IL5RA: variants seen among roughly 807,000 people sequenced by gnomAD.
IL5RA encodes interleukin-5 receptor subunit alpha.
Under a neutral mutation model 50.0 loss-of-function variants are expected in IL5RA, and 49 were observed. The ratio of observed to expected loss-of-function variants is 0.98; its 90% CI spans 0.78 to 1.24. The LOEUF is 1.24. IL5RA is among the 50% of genes most tolerant of loss of function. The pLI is 0.00. For synonymous variants in IL5RA, 202 were observed against 174.0 expected (o/e 1.16, Z -1.26); for missense variants, 600 against 500.4 (o/e 1.20, Z -1.90).
At position 3,094,374 on chromosome 3, in the gene IL5RA, G is replaced by A. The variant is rs191237515; in HGVS notation, c.855+925C>T. 9.8e-4 allele frequency among the ~76,000 whole-genome samples: 149 copies of A among 152,154 alleles called. 3 individuals carry two copies. The highest frequency in any genetic ancestry group is 4.6e-4 in the Admixed American group (7 of 15,278). On this transcript the variant is annotated intron_variant, in intron 8 of 11. Coordinates refer to ENST00000446632, the MANE Select transcript of IL5RA (RefSeq NM_175726.4). ...AGAATCAGACAGTATTTGTCCTTTC[G>A]TGACTGACTTATTTTGCTTAGCATA... is the stretch of plus-strand genomic sequence containing the variant.
Position 3,067,614 on chromosome 3 carries a change from G to A in IL5RA, c.*2611C>T, listed in dbSNP as rs911292128. On this transcript the variant is annotated 3_prime_UTR_variant, in exon 12 of 12. Coordinates refer to ENST00000446632, the MANE Select transcript of IL5RA (RefSeq NM_175726.4). ...CCAACTCTGCTTTTGAAGGCTTCAT[G>A]GAGGAAGTGATGATGGTTACGGGTT... 4.6e-5 allele frequency: 7 copies of A among 152,336 alleles called. No individual in the cohort carries two copies. Among genetic ancestry groups the A allele is most frequent in the African/African-American group, 1.7e-4 (7 of 41,442 alleles). The allele number at this position is 152,336 out of a possible 1,614,324, so 9.4% of individuals were successfully genotyped here.
chr3:3,089,757 G>A (rs1014254707), intron 9 of IL5RA, among the ~76,000 whole-genome samples: 8 of 151,918 alleles, frequency 5.3e-5, no homozygotes, highest in African/African-American at 1.9e-4. Flanking sequence ...CGAGTAGCTG[G>A]GACTACAGGC....
At chr3:3,082,203 C>T (rs916951311) in intron 9 of IL5RA, among the ~76,000 whole-genome samples, 2 of 152,066 alleles carry the variant, frequency 1.3e-5, no homozygotes, top group African/African-American at 2.4e-5. Context: ...AATTTCAATA[C>T]TATAAAATTT....
At chr3:3,106,583 A>G (rs775377293) in intron 2 of IL5RA, among the ~76,000 whole-genome samples, 2 of 152,188 alleles carry the variant, frequency 1.3e-5, no homozygotes, top group South Asian at 2.1e-4. Context: ...GATGACGATG[A>G]CAACAAAAGC....
Position 3,069,662 on chromosome 3 carries a change from TACAC to T in IL5RA, c.*559_*562del, listed in dbSNP as rs1339232870. ...TCTCTCTCTCTCTCTCTCTCTCTCA[TACAC>T]ACACATACACAATCTACCTAGAAAA... On this transcript the variant is annotated 3_prime_UTR_variant, in exon 12 of 12. Coordinates refer to ENST00000446632, the MANE Select transcript of IL5RA (RefSeq NM_175726.4). The T allele has an allele frequency of 8.7e-6, 1 of 114,626 alleles. No individual in the cohort carries two copies. Among genetic ancestry groups the T allele is most frequent in the South Asian group, 2.8e-4 (1 of 3,542 alleles). The allele number at this position is 114,626 out of a possible 1,614,324, so 7.1% of individuals were successfully genotyped here.
chr3:3,093,902 C>G (rs1703243536), intron 8 of IL5RA, among the ~76,000 whole-genome samples: 1 of 151,956 alleles, frequency 6.6e-6, no homozygotes, highest in Admixed American at 6.5e-5. Flanking sequence ...ATTTTTTTTC[C>G]TAGCTTTGTG....
chr3:3,099,754 C>T (rs1396740594), intron 5 of IL5RA, among the ~76,000 whole-genome samples: 1 of 151,856 alleles, frequency 6.6e-6, no homozygotes, highest in African/African-American at 2.4e-5. Context: ...ACTGCAACCT[C>T]ACCCTCCCGG....
chr3:3,109,112 T>C (rs1704065310), intron 1 of IL5RA, among the ~76,000 whole-genome samples: 1 of 152,172 alleles, frequency 6.6e-6, no homozygotes, highest in Non-Finnish European at 1.5e-5. Flanking sequence ...TCAAGGGTAT[T>C]AAAATATTCT....
intron 9 of IL5RA, among the ~76,000 whole-genome samples, chr3:3,084,151 A>G (rs1702768570): frequency 6.6e-6 from 1 of 152,080 alleles, no homozygotes; most frequent in Admixed American, 6.5e-5. Context: ...GTCCTGCATT[A>G]TAAAACAGGG....
chr3:3,089,342 G>A (rs1306347611), intron 9 of IL5RA, among the ~76,000 whole-genome samples: 1 of 152,194 alleles, frequency 6.6e-6, no homozygotes, highest in African/African-American at 2.4e-5. Context: ...GGCAGATTCA[G>A]AACAGTTCTC....
chr3:3,107,770 C>A (rs1234280363), intron 2 of IL5RA, among the ~76,000 whole-genome samples: 1 of 152,174 alleles, frequency 6.6e-6, no homozygotes, highest in Non-Finnish European at 1.5e-5. Flanking sequence ...ATAGGTGTTA[C>A]ATTTTTTGAA....
At chr3:3,088,176 A>G (rs1330988484) in intron 9 of IL5RA, among the ~76,000 whole-genome samples, 1 of 152,234 alleles carries the variant, frequency 6.6e-6, no homozygotes, top group African/African-American at 2.4e-5. Flanking sequence ...TGAATAATAA[A>G]TTAAAAACAA....
At chr3:3,086,840 A>G (rs1355651981) in intron 9 of IL5RA, among the ~76,000 whole-genome samples, 3 of 152,242 alleles carry the variant, frequency 2.0e-5, no homozygotes, top group Non-Finnish European at 4.4e-5. Context: ...ATGAGTGGAT[A>G]AAGAAAATGT....
Position 3,098,290 on chromosome 3 carries a change from C to G in IL5RA, c.368G>C (p.Gly123Ala), listed in dbSNP as rs750767577. 1.3e-5 allele frequency: 21 copies of G among 1,612,782 alleles called. No homozygotes were observed. In the African/African-American group the frequency reaches 2.7e-4, roughly 21 times the overall value. ...ATTCACAATTGAGGTTCCAGGAGAC[C>G]CTAGGTAGTCAAAAGTAAAAAGGAC... ...WASAELHAPP[G>A]SPGTSIVNLT... The change falls in exon 6 of 12, where the codon GGG (glycine) becomes GCG (alanine). Residue 123 changes from glycine (G) to alanine (A), a missense_variant and splice_region_variant. Coordinates refer to ENST00000446632, the MANE Select transcript of IL5RA (RefSeq NM_175726.4).
intron 5 of IL5RA, among the ~76,000 whole-genome samples, chr3:3,098,887 AT>A (rs1418187780): frequency 6.6e-6 from 1 of 152,180 alleles, no homozygotes; most frequent in African/African-American, 2.4e-5. Flanking sequence ...ATATATTGTC[AT>A]TTTGAGGTTG....
intron 3 of IL5RA, among the ~76,000 whole-genome samples, chr3:3,104,291 G>A (rs899752688): frequency 2.6e-5 from 4 of 152,118 alleles, no homozygotes; most frequent in African/African-American, 9.7e-5. Flanking sequence ...CACCTGCCCC[G>A]GCCTCCCAAA....
In IL5RA at chr3:3,092,147, G is replaced by A; in HGVS notation, c.994+77C>T. On this transcript the variant is annotated intron_variant, in intron 9 of 11. Coordinates refer to ENST00000446632, the MANE Select transcript of IL5RA (RefSeq NM_175726.4). This position sits in a 1 kb window ranked among gnomAD's most constrained non-coding sequence, Gnocchi z 4.2. Reference sequence around the variant, plus strand: ...TGAAACCATTTTAAGACCCACGAGTGAACGGGTACGTTTCTGGGATTACCT... The same window carrying A: ...TGAAACCATTTTAAGACCCACGAGTAAACGGGTACGTTTCTGGGATTACCT... 14 of 1,565,084 alleles carry A rather than the reference G, an allele frequency of 8.9e-6. No homozygotes were observed. Among genetic ancestry groups the A allele is most frequent in the Non-Finnish European group, 1.2e-5 (14 of 1,160,322 alleles).
At chr3:3,078,476 A>G (rs1241416389) in intron 9 of IL5RA, among the ~76,000 whole-genome samples, 1 of 152,042 alleles carries the variant, frequency 6.6e-6, no homozygotes, top group Non-Finnish European at 1.5e-5. Flanking sequence ...ATAAGCCATG[A>G]CCCTGCTTTG....
chr3:3,075,451 C>A (rs1702445960), intron 10 of IL5RA, among the ~76,000 whole-genome samples: 1 of 151,958 alleles, frequency 6.6e-6, no homozygotes, highest in Admixed American at 6.6e-5. Context: ...GATCCTCCAG[C>A]CTCAGCCTCC....
Sources: allele counts gnomAD v4.1 joint callset (sites outside exome capture counted in the v4.1 genomes callset), GRCh38; gene constraint gnomAD v4.1.1; non-coding constraint Gnocchi (gnomAD v3.1); transcripts MANE v1.5; gene names NCBI Gene and HGNC (gene_info 2026-07-23, HGNC 2026-07-21).